The following ESYT3 variants were observed in gnomAD, a reference collection of about 807,000 sequenced individuals.
The protein encoded by ESYT3 is extended synaptotagmin-3.
In ESYT3, 101 loss-of-function variants were observed where a neutral mutation model predicts 111.5. That is an observed-to-expected ratio of 0.91 (90% CI 0.77 to 1.07). ESYT3 has a LOEUF of 1.07. ESYT3 is among the 50% of genes least tolerant of loss of function. The pLI, the probability that ESYT3 is intolerant of heterozygous loss-of-function variation, is 0.00. For synonymous variants in ESYT3, 416 were observed against 446.8 expected, an observed-to-expected ratio of 0.93 and a Z score of 0.87; for missense variants, 1,097 against 1,109.4, an observed-to-expected ratio of 0.99 and a Z score of 0.16.
At chr3:138,469,607 A>G (rs191136390) in intron 15 of ESYT3, 103 bp downstream of exon 15, 3 of 854,438 alleles carry the variant, frequency 3.5e-6, no homozygotes, top group Non-Finnish European at 3.8e-6. Flanking sequence ...GTGAATGCCT[A>G]GTAGGCACTT....
intron 12 of ESYT3, 89 bp from the exon 13 acceptor site, chr3:138,468,566 C>G (rs2033052952): frequency 7.2e-7 from 1 of 1,387,030 alleles, no homozygotes; most frequent in African/African-American, 1.4e-5. Context: ...GGCTAGCTGG[C>G]TTTCTTCTGC....
chr3:138,469,606 T>C, intron 15 of ESYT3, 102 bp downstream of exon 15: 1 of 851,596 alleles, frequency 1.2e-6, no homozygotes, highest in Non-Finnish European at 1.9e-6. Flanking sequence ...GGTGAATGCC[T>C]AGTAGGCACT....
intron 17 of ESYT3, among the ~76,000 whole-genome samples, chr3:138,471,947 T>C (rs1360500734): frequency 6.6e-6 from 1 of 152,228 alleles, no homozygotes; most frequent in Non-Finnish European, 1.5e-5. Flanking sequence ...TCTTTGCTGG[T>C]AGGCCGAATA....
chr3:138,479,988 T>C (rs900350898), downstream of ESYT3: 1 of 152,196 alleles, frequency 6.6e-6, no homozygotes, highest in African/African-American at 2.4e-5. Flanking sequence ...TAAGTATGTA[T>C]TCAAAATTGC....
chr3:138,470,778 C>G, intron 16 of ESYT3, 99 bp from the exon 17 acceptor site: 1 of 1,581,888 alleles, frequency 6.3e-7, no homozygotes, highest in Middle Eastern at 1.7e-4. Flanking sequence ...AAGCACAGTA[C>G]AGACTGAAGT....
intron 17 of ESYT3, 147 bp from the exon 18 acceptor site, chr3:138,472,216 G>A (rs1251258171): frequency 2.0e-6 from 2 of 1,010,142 alleles, no homozygotes; most frequent in Non-Finnish European, 2.9e-6. Flanking sequence ...AGAATATTTG[G>A]AACACCATAT....
intron 1 of ESYT3, among the ~76,000 whole-genome samples, chr3:138,445,731 C>T (rs1265429418): frequency 6.6e-6 from 1 of 152,178 alleles, no homozygotes; most frequent in Non-Finnish European, 1.5e-5. Context: ...GCAAAAGTTA[C>T]CACTTCCAGA....
At chr3:138,467,721 G>A in intron 11 of ESYT3, 112 bp downstream of exon 11, 1 of 988,396 alleles carries the variant, frequency 1.0e-6, no homozygotes, top group East Asian at 2.6e-5. Flanking sequence ...CCCCCTCTGT[G>A]CTAGGCTCCA....
In ESYT3 at chr3:138,468,193, A is replaced by C. The variant is rs202126589; in HGVS notation, c.1307A>C (p.Glu436Ala). 1.2e-6 allele frequency: 2 copies of C among 1,613,836 alleles called. No individual in the cohort carries two copies. The highest frequency in any genetic ancestry group is 2.2e-5 in the South Asian group (2 of 91,074). ...CTTACTGACCAAGAAGTTCTGACTG[A>C]GGTGAGTGTGGGGTGTCAAGGGCTC... ...SLLTDQEVLT[E>A]DHGGLSTAIL... The change falls in exon 12 of 23, where the codon GAG becomes GCG. Residue 436 changes from glutamate to alanine, a missense_variant and splice_region_variant. By Grantham distance (107) the Glu-to-Ala change is moderately radical. Transcript: ENST00000389567.
Position 138,451,474 on chromosome 3 carries a change from C to T in ESYT3, c.328-574C>T, listed in dbSNP as rs537297811. On this transcript the variant is annotated intron_variant, in intron 1 of 22. Coordinates refer to ENST00000389567, the MANE Select transcript of ESYT3 (RefSeq NM_031913.5). Reference sequence around the variant, plus strand: ...ATGTTTGCATTTTCTAATTTTTCTACGGAGACTGCATATTGTTTGTGTCAT... The same window carrying T: ...ATGTTTGCATTTTCTAATTTTTCTATGGAGACTGCATATTGTTTGTGTCAT... Among the ~76,000 whole-genome samples, 4 of 152,304 alleles carry T rather than the reference C, an allele frequency of 2.6e-5. No homozygotes were observed. The South Asian group carries it at 6.2e-4, about 24-fold the overall frequency.
chr3:138,434,898 G>C lies in ESYT3; in HGVS notation c.100G>C (p.Glu34Gln). ...GCGCCTGTCCAGCCAGCTGCTGCCC[G>C]AGCTCTGTACCTTCGTGGTGCGCGT... is the stretch of plus-strand genomic sequence containing the variant. ...ELRLSSQLLP[E>Q]LCTFVVRVLF... The change falls in exon 1 of 23, where the codon GAG becomes CAG. Residue 34 changes from glutamate (E) to glutamine (Q), a missense_variant. Transcript: ENST00000389567. 1 of 1,551,082 alleles carries C rather than the reference G, an allele frequency of 6.4e-7. No individual in the cohort carries two copies. Among genetic ancestry groups the C allele is most frequent in the Non-Finnish European group, 8.7e-7 (1 of 1,147,044 alleles).
chr3:138,455,674 TA>T (rs1438741290), intron 3 of ESYT3, among the ~76,000 whole-genome samples: 1 of 152,242 alleles, frequency 6.6e-6, no homozygotes, highest in Non-Finnish European at 1.5e-5. Flanking sequence ...TCATAGTTGC[TA>T]ACCTCAGAGC....
In ESYT3 at chr3:138,470,884, A is replaced by G; in HGVS notation, c.1598A>G (p.Asp533Gly). 1 of 1,614,084 alleles carries G rather than the reference A, an allele frequency of 6.2e-7. No homozygotes were observed. The highest frequency in any genetic ancestry group is 8.5e-7 in the Non-Finnish European group (1 of 1,179,994). Reference protein sequence around the residue: ...ATERLHLKVLDDDQECALGML... With the variant: ...ATERLHLKVLGDDQECALGML... ...GACTGGACCACTGCCCAGGTGCTTG[A>G]TGATGACCAGGAGTGTGCTCTGGGA... Residue 533 changes from aspartate to glycine, a missense_variant, in exon 17 of 23, where the codon GAT becomes GGT. Asp to Gly is a moderately conservative substitution (Grantham distance 94, BLOSUM62 -1). Coordinates refer to ENST00000389567, the MANE Select transcript of ESYT3 (RefSeq NM_031913.5).
rs1355455848 is a variant in ESYT3, at chr3:138,477,473, TATACTG to T, written c.*623_*628del. Reference sequence around the variant, plus strand: ...TGTATTTCCCTACTGGCAAAAATGTTATACTGATATACTTAAATACCTTGAGTTAAA... The same window carrying T: ...TGTATTTCCCTACTGGCAAAAATGTTATATACTTAAATACCTTGAGTTAAA... On this transcript the variant is annotated 3_prime_UTR_variant, in exon 23 of 23. Coordinates refer to ENST00000389567, the MANE Select transcript of ESYT3 (RefSeq NM_031913.5). 2.0e-5 allele frequency: 3 copies of T among 152,524 alleles called. No individual in the cohort carries two copies. The highest frequency in any genetic ancestry group is 4.4e-5 in the Non-Finnish European group (3 of 68,278). The allele number at this position is 152,524 out of a possible 1,614,324, so 9.4% of individuals were successfully genotyped here.
chr3:138,471,910 G>A (rs2033239277), intron 17 of ESYT3, among the ~76,000 whole-genome samples: 1 of 152,182 alleles, frequency 6.6e-6, no homozygotes, highest in Non-Finnish European at 1.5e-5. Flanking sequence ...AGTACAGGCT[G>A]TGGCAAACAC....
Position 138,467,899 on chromosome 3 carries a change from T to C in ESYT3, c.1219-206T>C, listed in dbSNP as rs185879319. 2.2e-3 allele frequency among the ~76,000 whole-genome samples: 331 copies of C among 152,036 alleles called. 4 individuals are homozygous for C. The highest frequency in any genetic ancestry group is 2.9e-4 in the Non-Finnish European group (20 of 67,960). On this transcript the variant is annotated intron_variant, in intron 11 of 22. Coordinates refer to ENST00000389567, the MANE Select transcript of ESYT3 (RefSeq NM_031913.5). The stretch of plus-strand genomic sequence containing the variant: ...GCCTGGGTTTTTTTTAATCCCACAG[T>C]GTAGCACTTCTGTCTTCCTATAACC...
At chr3:138,459,054 C>T (rs918954684) in intron 4 of ESYT3, 133 bp from the exon 5 acceptor site, 3 of 594,312 alleles carry the variant, frequency 5.0e-6, no homozygotes, top group African/African-American at 3.8e-5. Flanking sequence ...GCCATGTGCC[C>T]AGTGCATAGA....
Position 138,476,836 on chromosome 3 carries a change from T to G in ESYT3, c.2643T>G (p.Asn881Lys), listed in dbSNP as rs772319095. ...CTTACAGGTATGAGCTGACTCCAAATGGACAGCCCAGAAGCTGATGATGAG... is the reference window on the plus strand; with the variant it reads ...CTTACAGGTATGAGCTGACTCCAAAGGGACAGCCCAGAAGCTGATGATGAG... ...GFSQWYELTP[N>K]GQPRS The change falls in exon 23 of 23, where the codon AAT becomes AAG. Residue 881 changes from asparagine to lysine, a missense_variant. Coordinates refer to ENST00000389567, the MANE Select transcript of ESYT3 (RefSeq NM_031913.5). The G allele has an allele frequency of 1.2e-6, 2 of 1,614,054 alleles. No individual in the cohort carries two copies. The highest frequency in any genetic ancestry group is 1.7e-6 in the Non-Finnish European group (2 of 1,179,926).
intron 17 of ESYT3, among the ~76,000 whole-genome samples, chr3:138,471,909 T>G (rs1238703806): frequency 3.9e-5 from 6 of 152,222 alleles, no homozygotes; most frequent in Admixed American, 3.9e-4. Flanking sequence ...GAGTACAGGC[T>G]GTGGCAAACA....
Sources: allele counts gnomAD v4.1 joint callset (sites outside exome capture counted in the v4.1 genomes callset), GRCh38; gene constraint gnomAD v4.1.1; transcripts MANE v1.5; gene names NCBI Gene and HGNC (gene_info 2026-07-23, HGNC 2026-07-21).